The following DBNL variants were observed in gnomAD, a reference collection of about 807,000 sequenced individuals.
DBNL encodes drebrin-like protein.
In DBNL, 35 loss-of-function variants were observed where a neutral mutation model predicts 62.2. That is an observed-to-expected ratio of 0.56 (90% confidence interval 0.43 to 0.75). The LOEUF is 0.75. Ranked by LOEUF, DBNL falls within the 30% of genes least tolerant of loss-of-function variation. The pLI is 0.00. For missense variants in DBNL, 495 were observed against 578.4 expected, an observed-to-expected ratio of 0.86 and a Z score of 1.48; for synonymous variants, 197 against 218.0, an observed-to-expected ratio of 0.90 and a Z score of 0.85.
Position 44,059,451 on chromosome 7 carries a change from C to T in DBNL, c.931+2C>T. On this transcript the variant is annotated splice_donor_variant, in intron 10 of 12. Coordinates refer to ENST00000448521, the MANE Select transcript of DBNL (RefSeq NM_001014436.3). LOFTEE classifies it low-confidence loss of function (GC_TO_GT_DONOR). The surrounding 1 kb of genome is among the most constrained non-coding windows in gnomAD (Gnocchi z 4.1). ...CTGCCATCTCAAGGCCCAGGGCAGGCAAGGCGCTTGTCACCCCATGGGGAC... is the reference window on the plus strand; with the variant it reads ...CTGCCATCTCAAGGCCCAGGGCAGGTAAGGCGCTTGTCACCCCATGGGGAC... The T allele has an allele frequency of 6.2e-7, 1 of 1,613,988 alleles. No individual in the cohort carries two copies. Among genetic ancestry groups the T allele is most frequent in the Non-Finnish European group, 8.5e-7 (1 of 1,179,980 alleles).
At position 44,062,090 on chromosome 7, in the gene DBNL, G is replaced by T; in HGVS notation, c.*1174G>T. The T allele has an allele frequency of 6.3e-6, 1 of 157,980 alleles. No individual in the cohort carries two copies. 9.8% of individuals were successfully genotyped at this position (157,980 alleles called of 1,614,324 possible). On this transcript the variant is annotated 3_prime_UTR_variant, in exon 13 of 13. Transcript: ENST00000448521. ...GTGCCCCAGAGCTGCTAGGCAGACTGCTAGGCGGTTGACTCAAGGTGTTAC... is the reference window on the plus strand; with the variant it reads ...GTGCCCCAGAGCTGCTAGGCAGACTTCTAGGCGGTTGACTCAAGGTGTTAC...
In DBNL at chr7:44,063,114, C is replaced by CTA. The variant is rs1446146921; in HGVS notation, c.*2199_*2200dup. On this transcript the variant is annotated 3_prime_UTR_variant, in exon 13 of 13. Transcript: ENST00000448521. ...GAGTAACTGAGTTAGACCAAGCAGC[C>CTA]TACAGAAATAGCCCAGTGGTGAAAA... is the stretch of plus-strand genomic sequence containing the variant. 1.5e-6 allele frequency: 1 copy of CTA among 664,062 alleles called. No homozygotes were observed. Among genetic ancestry groups the CTA allele is most frequent in the African/African-American group, 1.8e-5 (1 of 56,324 alleles). 41.1% of individuals were successfully genotyped at this position (664,062 alleles called of 1,614,324 possible). A position where few individuals can be genotyped will look rare whatever the true frequency, so the allele number is the denominator to read the frequency against.
intron 1 of DBNL, among the ~76,000 whole-genome samples, chr7:44,046,202 C>G (rs1184259808): frequency 1.3e-5 from 2 of 152,274 alleles, no homozygotes; most frequent in Middle Eastern, 6.8e-3. Flanking sequence ...GGCTTTAGAA[C>G]CCAGAAGAAT....
rs2096148076 is a variant in DBNL, at chr7:44,061,061, G to A, written c.*145G>A. On this transcript the variant is annotated 3_prime_UTR_variant, in exon 13 of 13. Coordinates refer to ENST00000448521, the MANE Select transcript of DBNL (RefSeq NM_001014436.3). Reference sequence around the variant, plus strand: ...CCTCAGGGCTCCCTCCGGCTTGGCAGACTCAGCCTGTCACCCCAAATGCAG... The same window carrying A: ...CCTCAGGGCTCCCTCCGGCTTGGCAAACTCAGCCTGTCACCCCAAATGCAG... 1 of 1,118,310 alleles carries A rather than the reference G, an allele frequency of 8.9e-7. No individual in the cohort carries two copies. Among genetic ancestry groups the A allele is most frequent in the African/African-American group, 1.6e-5 (1 of 63,348 alleles). 69.3% of individuals were successfully genotyped at this position (1,118,310 alleles called of 1,614,324 possible).
At chr7:44,057,761 A>T (rs1217942014) in intron 5 of DBNL, 21 bp from the exon 6 acceptor site, 1 of 1,613,876 alleles carries the variant, frequency 6.2e-7, no homozygotes, top group East Asian at 2.2e-5. Flanking sequence ...CCAGGTCTCT[A>T]ATGAGTGCTG....
intron 1 of DBNL, among the ~76,000 whole-genome samples, chr7:44,046,577 A>G (rs896841796): frequency 2.6e-5 from 4 of 151,638 alleles, no homozygotes; most frequent in African/African-American, 9.7e-5. Flanking sequence ...GAACCCACCC[A>G]TCTCACTGGA....
intron 4 of DBNL, among the ~76,000 whole-genome samples, chr7:44,054,020 A>G (rs916591790): frequency 1.3e-5 from 2 of 152,126 alleles, no homozygotes; most frequent in African/African-American, 4.8e-5. Context: ...CTTAAAGGAA[A>G]TGTTCATTGG....
At position 44,069,100 on chromosome 7, in the gene DBNL, C is replaced by T. The variant is rs958459493; in HGVS notation, c.*8184C>T. 1 of 152,010 alleles carries T rather than the reference C, an allele frequency of 6.6e-6. No homozygotes were observed. The highest frequency in any genetic ancestry group is 2.4e-5 in the African/African-American group (1 of 41,378). 9.4% of individuals were successfully genotyped at this position (152,010 alleles called of 1,614,324 possible). ...AAAGACATTCTCAAATGAAGGCAAGCTGAGGAAATTCATAACCAAAGAATC... is the reference window on the plus strand; with the variant it reads ...AAAGACATTCTCAAATGAAGGCAAGTTGAGGAAATTCATAACCAAAGAATC... On this transcript the variant is annotated 3_prime_UTR_variant, in exon 13 of 13. Transcript: ENST00000448521.
rs183410980 is a variant in DBNL, at chr7:44,065,958, A to C, written c.*5042A>C. ...AGACAGAGGCACAAACAAAATCCCAACCCCTTTCTCCTGTGATTGGCAGCC... is the reference window on the plus strand; with the variant it reads ...AGACAGAGGCACAAACAAAATCCCACCCCCTTTCTCCTGTGATTGGCAGCC... On this transcript the variant is annotated 3_prime_UTR_variant, in exon 13 of 13. Transcript: ENST00000448521. 2 of 292,786 alleles carry C rather than the reference A, an allele frequency of 6.8e-6. No homozygotes were observed. Among genetic ancestry groups the C allele is most frequent in the Non-Finnish European group, 1.3e-5 (2 of 148,410 alleles). 18.1% of individuals were successfully genotyped at this position (292,786 alleles called of 1,614,324 possible).
At chr7:44,053,558 T>C (rs1258537947) in intron 4 of DBNL, among the ~76,000 whole-genome samples, 1 of 152,218 alleles carries the variant, frequency 6.6e-6, no homozygotes, top group Admixed American at 6.5e-5. Flanking sequence ...AGCTTATCGA[T>C]ATACAGGTTT....
At position 44,059,001 on chromosome 7, in the gene DBNL, G is replaced by T. The variant is rs774684223; in HGVS notation, c.835+18G>T. On this transcript the variant is annotated intron_variant, in intron 9 of 12. Transcript: ENST00000448521. The surrounding 1 kb of genome is among the most constrained non-coding windows in gnomAD (Gnocchi z 4.1). ...TCAGCCTGGTGAGCTCTCCCTTTGG[G>T]CCTGGCCATGAGGCAGCAGCAGGCT... is the stretch of plus-strand genomic sequence containing the variant. 51 of 1,613,354 alleles carry T rather than the reference G, an allele frequency of 3.2e-5. 1 individual carries two copies. The Admixed American group carries it at 8.2e-4, about 26-fold the overall frequency.
At chr7:44,050,103 C>A in intron 1 of DBNL, 122 bp from the exon 2 acceptor site, 2 of 1,115,032 alleles carry the variant, frequency 1.8e-6, no homozygotes, top group South Asian at 1.3e-5. Flanking sequence ...GGGCCTGTGC[C>A]CACCCACAGT....
chr7:44,065,699 G>A lies in DBNL; in HGVS notation c.*4783G>A, dbSNP rs2096158785. 4 of 677,792 alleles carry A rather than the reference G, an allele frequency of 5.9e-6. No homozygotes were observed. Among genetic ancestry groups the A allele is most frequent in the Non-Finnish European group, 1.1e-5 (4 of 380,212 alleles). The allele number at this position is 677,792 out of a possible 1,614,324, so 42.0% of individuals were successfully genotyped here. A position where few individuals can be genotyped will look rare whatever the true frequency, so the allele number is the denominator to read the frequency against. ...GAGCTGCTGGGGGCTGGGGGCCAGG[G>A]GAGTGTGCAGGCCAAGAGGCTGTGC... On this transcript the variant is annotated 3_prime_UTR_variant, in exon 13 of 13. Coordinates refer to ENST00000448521, the MANE Select transcript of DBNL (RefSeq NM_001014436.3).
chr7:44,065,256 A>G lies in DBNL; in HGVS notation c.*4340A>G, dbSNP rs1479523853. 1.2e-6 allele frequency: 2 copies of G among 1,613,710 alleles called. No homozygotes were observed. Among genetic ancestry groups the G allele is most frequent in the Non-Finnish European group, 1.7e-6 (2 of 1,180,032 alleles). ...TTGTTGAGGCCTGTGAGGCCCCCGT[A>G]ATGCCGCTCATTGAGGCGCCAAGTG... On this transcript the variant is annotated 3_prime_UTR_variant, in exon 13 of 13. Transcript: ENST00000448521.
Position 44,056,748 on chromosome 7 carries a change from C to T in DBNL, c.328-9C>T, listed in dbSNP as rs773009347. On this transcript the variant is annotated splice_polypyrimidine_tract_variant and intron_variant, in intron 4 of 12. Transcript: ENST00000448521. The stretch of plus-strand genomic sequence containing the variant: ...AAAGCCCTTCTTTCAAGTGCTGCTC[C>T]TGCTGCAGGGGGCCCATGTGACCAT... 5.6e-6 allele frequency: 9 copies of T among 1,613,752 alleles called. No individual in the cohort carries two copies. In the East Asian group the frequency reaches 1.6e-4, roughly 28 times the overall value.
At chr7:44,046,991 G>C (rs2096118429) in intron 1 of DBNL, among the ~76,000 whole-genome samples, 1 of 152,114 alleles carries the variant, frequency 6.6e-6, no homozygotes, top group Admixed American at 6.5e-5. Context: ...TGCTTCCTCT[G>C]CATGGAGCAC....
intron 4 of DBNL, among the ~76,000 whole-genome samples, chr7:44,053,912 G>A (rs572943266): frequency 2.0e-5 from 3 of 152,126 alleles, no homozygotes; most frequent in South Asian, 2.1e-4. Context: ...TCCTGACCTC[G>A]TGATTTGCCC....
chr7:44,059,261 T>C lies in DBNL; in HGVS notation c.836-93T>C. The C allele has an allele frequency of 7.6e-7, 1 of 1,307,482 alleles. No individual in the cohort carries two copies. The highest frequency in any genetic ancestry group is 1.1e-6 in the Non-Finnish European group (1 of 934,996). 81.0% of individuals were successfully genotyped at this position (1,307,482 alleles called of 1,614,324 possible). A position where few individuals can be genotyped will look rare whatever the true frequency, so the allele number is the denominator to read the frequency against. On this transcript the variant is annotated intron_variant, in intron 9 of 12. Transcript: ENST00000448521. The surrounding 1 kb of genome is among the most constrained non-coding windows in gnomAD (Gnocchi z 4.1). ...CTAGCAAGAGCAAGCCCCATGAGAC[T>C]GCCTCGAGCACACCAGGGTGGAGGG... is the stretch of plus-strand genomic sequence containing the variant.
chr7:44,050,387 A>G, intron 2 of DBNL, 107 bp downstream of exon 2: 2 of 1,201,952 alleles, frequency 1.7e-6, no homozygotes, highest in South Asian at 1.2e-5. Flanking sequence ...TGGGGCTTCC[A>G]GTGCTCACTG....
Sources: gnomAD v4.1 joint callset for allele counts (sites outside exome capture counted in the v4.1 genomes callset) on GRCh38, gnomAD v4.1.1 for gene constraint, Gnocchi (gnomAD v3.1) non-coding constraint, MANE v1.5 for transcripts, NCBI Gene and HGNC (gene_info 2026-07-23, HGNC 2026-07-21) for gene names.